MICALL2: variants seen among roughly 807,000 people sequenced by gnomAD.
MICALL2 encodes MICAL like 2, also known as MICAL-like protein 2.
A neutral mutation model predicts 91.1 loss-of-function variants in MICALL2; 111 were observed. The ratio of observed to expected loss-of-function variants is 1.22; its 90% CI spans 1.04 to 1.43. MICALL2 has a LOEUF of 1.43. Ranked by LOEUF, MICALL2 falls within the 40% of genes most tolerant of loss-of-function variation. MICALL2 has a pLI of 0.00. For missense variants in MICALL2, 1,556 were observed against 1,236.0 expected, an observed-to-expected ratio of 1.26 and a Z score of -3.88; for synonymous variants, 694 against 525.3, an observed-to-expected ratio of 1.32 and a Z score of -4.39.
chr7:1,438,714 C>G, intron 10 of MICALL2, 126 bp downstream of exon 10: 1 of 1,489,918 alleles, frequency 6.7e-7, no homozygotes, highest in South Asian at 1.4e-5. Flanking sequence ...TGGGTCCTTC[C>G]TCCAGGCTTT....
At chr7:1,447,474 G>C in intron 4 of MICALL2, 101 bp downstream of exon 4, 1 of 706,910 alleles carries the variant, frequency 1.4e-6, no homozygotes, top group Non-Finnish European at 2.3e-6. Context: ...ACCCCACTCT[G>C]GGTCCCGTGG....
Position 1,438,124 on chromosome 7 carries a change from C to T in MICALL2, c.2284G>A (p.Glu762Lys). 1 of 1,563,614 alleles carries T rather than the reference C, an allele frequency of 6.4e-7. No individual in the cohort carries two copies. Among genetic ancestry groups the T allele is most frequent in the South Asian group, 1.2e-5 (1 of 85,164 alleles). Reference protein sequence around the residue: ...DALELRGVELEKRLRAAEGDD... With the variant: ...DALELRGVELKKRLRAAEGDD... ...CCCTCGGCCGCCCGCAGTCGCTTCT[C>T]CAGCTCCACGCCGCGGAGCTCCAGG... is the stretch of plus-strand genomic sequence containing the variant. The change falls in exon 12 of 17, where the codon GAG becomes AAG. Residue 762 changes from glutamate (E) to lysine (K), a missense_variant. Glu to Lys is a moderately conservative substitution (Grantham distance 56, BLOSUM62 1). Transcript: ENST00000297508.
chr7:1,442,190 A>ACC lies in MICALL2; in HGVS notation c.1711_1711+1dup. 6.2e-7 allele frequency: 1 copy of ACC among 1,611,836 alleles called. No individual in the cohort carries two copies. The highest frequency in any genetic ancestry group is 8.5e-7 in the Non-Finnish European group (1 of 1,179,734). ...CCTCCTGCCTCCCAGCCCCTTACTC[A>ACC]CCCTGCGTTAAGGTGGTGCTTTTAC... On this transcript the variant is annotated splice_donor_variant, in intron 7 of 16. Coordinates refer to ENST00000297508, the MANE Select transcript of MICALL2 (RefSeq NM_182924.4). LOFTEE classifies it high-confidence loss of function.
At chr7:1,444,615 G>C (rs751039292) in intron 6 of MICALL2, 37 bp downstream of exon 6, 2 of 1,584,094 alleles carry the variant, frequency 1.3e-6, no homozygotes, top group South Asian at 1.1e-5. Context: ...GGTGCAAAGA[G>C]GCCATACCCG....
intron 1 of MICALL2, among the ~76,000 whole-genome samples, chr7:1,455,929 C>T (rs1487365088): frequency 6.6e-6 from 1 of 151,974 alleles, no homozygotes; most frequent in African/African-American, 2.4e-5. Context: ...CTCAGAGCTG[C>T]CCTGAGAGGA....
Position 1,442,496 on chromosome 7 carries a change from A to C in MICALL2, c.1419-12T>G, listed in dbSNP as rs199883916. ...TGGCTGGGGAGGGCCTATAAGTAAA[A>C]GCGCAGGCATCAGGCACAGCTGGAT... On this transcript the variant is annotated splice_polypyrimidine_tract_variant and intron_variant, in intron 6 of 16. Transcript: ENST00000297508. 1.6e-5 allele frequency: 25 copies of C among 1,520,484 alleles called. No homozygotes were observed. Among genetic ancestry groups the C allele is most frequent in the East Asian group, 4.6e-5 (2 of 43,930 alleles). 94.2% of individuals were successfully genotyped at this position (1,520,484 alleles called of 1,614,324 possible). A position where few individuals can be genotyped will look rare whatever the true frequency, so the allele number is the denominator to read the frequency against.
chr7:1,439,404 C>T lies in MICALL2; in HGVS notation c.1967-409G>A, dbSNP rs776813814. 6.3e-4 allele frequency: 140 copies of T among 220,780 alleles called. 1 individual carries two copies. The highest frequency in any genetic ancestry group is 1.5e-3 in the Middle Eastern group (1 of 658). The allele number at this position is 220,780 out of a possible 1,614,324, so 13.7% of individuals were successfully genotyped here. A position where few individuals can be genotyped will look rare whatever the true frequency, so the allele number is the denominator to read the frequency against. ...GGTACATGCACCACATACATGAACACGGTTGCACACACATGCATCACACAG... is the reference window on the plus strand; with the variant it reads ...GGTACATGCACCACATACATGAACATGGTTGCACACACATGCATCACACAG... On this transcript the variant is annotated intron_variant, in intron 9 of 16. Coordinates refer to ENST00000297508, the MANE Select transcript of MICALL2 (RefSeq NM_182924.4).
intron 1 of MICALL2, among the ~76,000 whole-genome samples, chr7:1,454,095 T>C (rs1013504223): frequency 2.0e-5 from 3 of 146,824 alleles, no homozygotes; most frequent in African/African-American, 7.5e-5. Context: ...TGGGAATGTA[T>C]ACCCCCCTCC....
chr7:1,440,440 T>C (rs1363633947), intron 8 of MICALL2, 151 bp downstream of exon 8: 1 of 717,656 alleles, frequency 1.4e-6, no homozygotes, highest in Non-Finnish European at 2.4e-6. Context: ...GGCCCCCATG[T>C]CCCTCAGGCA....
intron 14 of MICALL2, chr7:1,437,318 C>T (rs574636019): frequency 6.0e-6 from 3 of 497,096 alleles, no homozygotes; most frequent in African/African-American, 2.1e-5. Context: ...CCTCACTTTG[C>T]AGAGGATGAA....
chr7:1,446,017 T>TGACGGGGGCACTGGAGGAGGCATCTG (rs1377782980), intron 5 of MICALL2, among the ~76,000 whole-genome samples: 1 of 140,588 alleles, frequency 7.1e-6, no homozygotes, highest in African/African-American at 2.7e-5. Context: ...GAGGGCATCT[T>TGACGGGGGCACTGGAGGAGGCATCTG]GACGGGGGCA....
chr7:1,459,133 C>T lies in MICALL2; in HGVS notation c.143+51G>A, dbSNP rs746309201. ...CGGGCCTCAGTTTCCCCGCCCGTGTCAGCGCGCAGCCGAACAGCAGAAGAA... is the reference window on the plus strand; with the variant it reads ...CGGGCCTCAGTTTCCCCGCCCGTGTTAGCGCGCAGCCGAACAGCAGAAGAA... On this transcript the variant is annotated intron_variant, in intron 1 of 16. Transcript: ENST00000297508. 3.9e-6 allele frequency: 6 copies of T among 1,552,222 alleles called. No homozygotes were observed. The South Asian group carries it at 5.8e-5, about 15-fold the overall frequency.
chr7:1,447,847 G>A, intron 3 of MICALL2, 82 bp from the exon 4 acceptor site: 2 of 1,146,242 alleles, frequency 1.7e-6, no homozygotes, highest in Middle Eastern at 2.7e-4. Context: ...CCAGTGCCCA[G>A]CACAGGCCTT....
chr7:1,444,484 T>C (rs901845680), intron 6 of MICALL2, among the ~76,000 whole-genome samples, 168 bp downstream of exon 6: 6 of 152,164 alleles, frequency 3.9e-5, no homozygotes, highest in Non-Finnish European at 7.4e-5. Flanking sequence ...ACTGCCACCC[T>C]GGCTCCTCCT....
chr7:1,454,177 G>C (rs1244805451), intron 1 of MICALL2, among the ~76,000 whole-genome samples: 2 of 152,004 alleles, frequency 1.3e-5, no homozygotes, highest in African/African-American at 2.4e-5. Flanking sequence ...GGGGAGGGCG[G>C]GGGGGTGCAG....
chr7:1,446,018 G>C (rs1780557440), intron 5 of MICALL2, among the ~76,000 whole-genome samples: 1 of 148,186 alleles, frequency 6.7e-6, no homozygotes, highest in African/African-American at 2.5e-5. Flanking sequence ...AGGGCATCTT[G>C]ACGGGGGCAC....
chr7:1,444,993 G>A lies in MICALL2; in HGVS notation c.1077C>T (p.Ala359=). The A allele has an allele frequency of 6.6e-7, 1 of 1,508,030 alleles. No individual in the cohort carries two copies. The highest frequency in any genetic ancestry group is 8.9e-7 in the Non-Finnish European group (1 of 1,126,690). The allele number at this position is 1,508,030 out of a possible 1,614,324, so 93.4% of individuals were successfully genotyped here. Residue 359 remains alanine, a synonymous_variant, in exon 6 of 17, where the codon GCC becomes GCT. Coordinates refer to ENST00000297508, the MANE Select transcript of MICALL2 (RefSeq NM_182924.4). The part of the protein sequence containing the change: ...SSAAPCTAAA[A]SHPAVPPSAP... ...CACTCGGGGGCACGGCGGGATGGGA[G>A]GCAGCCGCTGCTGTGCACGGGGCAG... is the stretch of plus-strand genomic sequence containing the variant.
intron 1 of MICALL2, among the ~76,000 whole-genome samples, chr7:1,450,717 G>A (rs370832071): frequency 1.3e-4 from 20 of 152,314 alleles, no homozygotes; most frequent in South Asian, 8.3e-4. Flanking sequence ...CACAGGGAAC[G>A]GAGGAGAGAG....
chr7:1,435,269 G>T, intron 15 of MICALL2, 122 bp from the exon 16 acceptor site: 1 of 913,492 alleles, frequency 1.1e-6, no homozygotes, highest in Non-Finnish European at 1.7e-6. Context: ...CATGCCACCT[G>T]CCCCTTCCTG....
Sources: gnomAD v4.1 joint callset for allele counts (sites outside exome capture counted in the v4.1 genomes callset) on GRCh38, gnomAD v4.1.1 for gene constraint, MANE v1.5 for transcripts, NCBI Gene and HGNC (gene_info 2026-07-23, HGNC 2026-07-21) for gene names.